The following CNTN4 variants were observed in gnomAD, a reference collection of about 807,000 sequenced individuals.
CNTN4 encodes contactin 4.
Under a neutral mutation model 122.5 loss-of-function variants are expected in CNTN4, and 77 were observed. The observed-to-expected ratio is 0.63, with a 90% CI of 0.52 to 0.76. The LOEUF (loss-of-function observed/expected upper bound fraction) is 0.76, where lower values mean the gene tolerates loss of function less well. Ranked by LOEUF, CNTN4 falls within the 30% of genes least tolerant of loss-of-function variation. The probability of loss-of-function intolerance (pLI) is 0.00; values close to 1 mark genes in which losing one functional copy is unlikely to be tolerated. For synonymous variants in CNTN4, 512 were observed against 447.0 expected, an observed-to-expected ratio of 1.15 and a Z score of -1.83; for missense variants, 1,256 against 1,259.1, an observed-to-expected ratio of 1.00 and a Z score of 0.04.
At chr3:2,992,731 T>C (rs549803545) in intron 14 of CNTN4, among the ~76,000 whole-genome samples, 1 of 152,332 alleles carries the variant, frequency 6.6e-6, no homozygotes, top group African/African-American at 2.4e-5. Context: ...CAGTATGCTG[T>C]GGATGCTGTT....
chr3:2,455,490 G>A lies in CNTN4; in HGVS notation c.-88-115926G>A, dbSNP rs149557932. On this transcript the variant is annotated intron_variant, in intron 3 of 24. Transcript: ENST00000418658. ...CCCTAGTCTTTTTTCTTTTTTTTAA[G>A]GGGAGACACCTTTGCTTCTATACTT... is the stretch of plus-strand genomic sequence containing the variant. Among the ~76,000 whole-genome samples, 842 of 151,864 alleles carry A rather than the reference G, an allele frequency of 5.5e-3. 9 individuals carry two copies. The highest frequency in any genetic ancestry group is 0.014 in the Middle Eastern group (4 of 294).
chr3:3,006,455 A>G (rs1024743089), intron 14 of CNTN4, among the ~76,000 whole-genome samples: 1 of 152,184 alleles, frequency 6.6e-6, no homozygotes, highest in Non-Finnish European at 1.5e-5. Context: ...TGCCCCAACT[A>G]GAAGGTCCCT....
intron 7 of CNTN4, among the ~76,000 whole-genome samples, chr3:2,851,656 G>T (rs1559579953): frequency 6.6e-6 from 1 of 152,136 alleles, no homozygotes; most frequent in Admixed American, 6.5e-5. Flanking sequence ...CTAAGGTGGG[G>T]GTTGTTATCC....
At chr3:2,946,147 G>T (rs1296046928) in intron 13 of CNTN4, among the ~76,000 whole-genome samples, 1 of 152,096 alleles carries the variant, frequency 6.6e-6, no homozygotes, top group Non-Finnish European at 1.5e-5. Flanking sequence ...AGCCATCCCT[G>T]GGGGATGCAG....
At chr3:2,216,904 C>T (rs1054807863) in intron 2 of CNTN4, among the ~76,000 whole-genome samples, 7 of 152,282 alleles carry the variant, frequency 4.6e-5, no homozygotes, top group African/African-American at 1.7e-4. Flanking sequence ...CTGCAATCCA[C>T]TACCCTTTAG....
intron 1 of CNTN4, among the ~76,000 whole-genome samples, chr3:2,100,216 A>G (rs2031797874): frequency 6.6e-6 from 1 of 152,038 alleles, no homozygotes; most frequent in Non-Finnish European, 1.5e-5. Context: ...ATGTCGTGGA[A>G]CTTTTTCTAG....
intron 3 of CNTN4, among the ~76,000 whole-genome samples, chr3:2,368,721 G>C (rs547030822): frequency 6.6e-6 from 1 of 152,074 alleles, no homozygotes; most frequent in Non-Finnish European, 1.5e-5. Flanking sequence ...ACTGCATTAG[G>C]AGATCATTAT....
At chr3:2,440,917 C>T (rs888921804) in intron 3 of CNTN4, among the ~76,000 whole-genome samples, 4 of 146,290 alleles carry the variant, frequency 2.7e-5, no homozygotes, top group East Asian at 2.0e-4. Context: ...AAAATATATA[C>T]ATATATAAAA....
At position 2,316,326 on chromosome 3, in the gene CNTN4, T is replaced by G. The variant is rs537424178; in HGVS notation, c.-144-22852T>G. On this transcript the variant is annotated intron_variant, in intron 2 of 24. Coordinates refer to ENST00000418658, the MANE Select transcript of CNTN4 (RefSeq NM_175607.3). ...TTTAAAGACATGCTTTATCAAGATG[T>G]ATTTGAGGCATTTCCCCCCACTGAT... Among the ~76,000 whole-genome samples the G allele has an allele frequency of 2.6e-5, 4 of 152,222 alleles. No individual in the cohort carries two copies. In the South Asian group the frequency reaches 8.3e-4, roughly 32 times the overall value.
At chr3:2,704,627 T>C (rs1375948289) in intron 4 of CNTN4, among the ~76,000 whole-genome samples, 1 of 152,162 alleles carries the variant, frequency 6.6e-6, no homozygotes. Flanking sequence ...CAGAATCACC[T>C]GCAGGACTTG....
chr3:2,655,672 T>C (rs1445542753), intron 4 of CNTN4, among the ~76,000 whole-genome samples: 1 of 152,146 alleles, frequency 6.6e-6, no homozygotes, highest in Non-Finnish European at 1.5e-5. Flanking sequence ...TTCTCTATAA[T>C]GCAGAAAAGG....
At position 2,385,917 on chromosome 3, in the gene CNTN4, A is replaced by G. The variant is rs138903706; in HGVS notation, c.-89+46684A>G. 6.6e-6 allele frequency among the ~76,000 whole-genome samples: 1 copy of G among 152,092 alleles called. No individual in the cohort carries two copies. The highest frequency in any genetic ancestry group is 2.4e-5 in the African/African-American group (1 of 41,434). ...ATGTTCCATCAATATTTGATAAATG[A>G]ATGAATACATGCATTCTCACTCAGC... On this transcript the variant is annotated intron_variant, in intron 3 of 24. Coordinates refer to ENST00000418658, the MANE Select transcript of CNTN4 (RefSeq NM_175607.3). The surrounding 1 kb of genome is among the most constrained non-coding windows in gnomAD (Gnocchi z 4.0).
chr3:2,959,792 T>TC (rs2094835230), intron 13 of CNTN4, among the ~76,000 whole-genome samples: 1 of 152,184 alleles, frequency 6.6e-6, no homozygotes, highest in African/African-American at 2.4e-5. Flanking sequence ...AGTTTTTGTC[T>TC]CCCTAGGTAT....
chr3:2,355,754 G>A (rs1485137375), intron 3 of CNTN4, among the ~76,000 whole-genome samples: 4 of 152,150 alleles, frequency 2.6e-5, no homozygotes, highest in Non-Finnish European at 5.9e-5. Context: ...ATTCCACAGT[G>A]AGAAAAATCT....
intron 4 of CNTN4, among the ~76,000 whole-genome samples, chr3:2,672,590 G>A (rs564040640): frequency 7.2e-5 from 11 of 152,214 alleles, no homozygotes; most frequent in South Asian, 2.1e-4. Context: ...GCCCTGCTTC[G>A]GCTCACACTT....
intron 2 of CNTN4, among the ~76,000 whole-genome samples, chr3:2,107,012 T>C (rs961909388): frequency 2.0e-5 from 3 of 152,228 alleles, no homozygotes; most frequent in African/African-American, 4.8e-5. Flanking sequence ...CTGGACTTCA[T>C]TGTCCAAATC....
chr3:2,130,175 A>T (rs1460902623), intron 2 of CNTN4, among the ~76,000 whole-genome samples: 1 of 152,036 alleles, frequency 6.6e-6, no homozygotes, highest in Non-Finnish European at 1.5e-5. Context: ...TTTTGTCCTC[A>T]ACTTTTCTTG....
At chr3:2,767,829 G>A (rs2090930939) in intron 6 of CNTN4, among the ~76,000 whole-genome samples, 1 of 152,152 alleles carries the variant, frequency 6.6e-6, no homozygotes, top group South Asian at 2.1e-4. Flanking sequence ...GTGCTCACAG[G>A]CAGCTGGTGT....
chr3:2,584,412 G>A (rs1272099439), intron 4 of CNTN4, among the ~76,000 whole-genome samples: 5 of 151,958 alleles, frequency 3.3e-5, no homozygotes, highest in Admixed American at 6.6e-5. Flanking sequence ...GACCAAGAAC[G>A]GAATAGGTCT....
Sources: allele counts gnomAD v4.1 joint callset (sites outside exome capture counted in the v4.1 genomes callset), GRCh38; gene constraint gnomAD v4.1.1; non-coding constraint Gnocchi (gnomAD v3.1); transcripts MANE v1.5; gene names NCBI Gene and HGNC (gene_info 2026-07-23, HGNC 2026-07-21).